The following PCSK6 variants were observed in gnomAD, a reference collection of about 807,000 sequenced individuals.
PCSK6 encodes the protein proprotein convertase subtilisin/kexin type 6.
In PCSK6, 85 loss-of-function variants were observed where a neutral mutation model predicts 123.3. The ratio of observed to expected loss-of-function variants is 0.69; its 90% CI spans 0.58 to 0.83. The LOEUF is 0.83. Among genes scored for constraint, PCSK6 ranks in the 40% least tolerant of loss-of-function variants. PCSK6 has a pLI of 0.00. For missense variants in PCSK6, 1,191 were observed against 1,282.3 expected (o/e 0.93, Z 1.09); for synonymous variants, 508 against 516.0 (o/e 0.98, Z 0.21).
chr15:101,383,820 A>G (rs898868028), intron 10 of PCSK6, among the ~76,000 whole-genome samples: 1 of 152,218 alleles, frequency 6.6e-6, no homozygotes, highest in Non-Finnish European at 1.5e-5. Context: ...ACGTAACTAC[A>G]TATCAAACCT....
chr15:101,347,544 T>A, intron 13 of PCSK6: 1 of 1,383,826 alleles, frequency 7.2e-7, no homozygotes, highest in Non-Finnish European at 9.4e-7. Flanking sequence ...TTAAACAAGG[T>A]TCATGCTTGC....
chr15:101,412,713 A>ATATATATATAT (rs201205244), intron 6 of PCSK6, among the ~76,000 whole-genome samples: 8 of 112,644 alleles, frequency 7.1e-5, no homozygotes, highest in African/African-American at 1.1e-4. Context: ...ATATATATAT[A>ATATATATATAT]AAATTACCCA....
At chr15:101,391,151 A>G (rs538848410) in intron 8 of PCSK6, among the ~76,000 whole-genome samples, 1 of 152,240 alleles carries the variant, frequency 6.6e-6, no homozygotes, top group East Asian at 1.9e-4. Flanking sequence ...GTACCTCAAC[A>G]TGGGGAGGGC....
chr15:101,411,397 G>A (rs765155795), intron 6 of PCSK6, among the ~76,000 whole-genome samples: 1 of 152,058 alleles, frequency 6.6e-6, no homozygotes, highest in Non-Finnish European at 1.5e-5. Flanking sequence ...CTGGGAGCGG[G>A]GAGTCCGCCT....
At chr15:101,332,421 C>G (rs116901040) in intron 13 of PCSK6, among the ~76,000 whole-genome samples, 1 of 152,166 alleles carries the variant, frequency 6.6e-6, no homozygotes, top group African/African-American at 2.4e-5. Flanking sequence ...TTGGGATATC[C>G]GGTGGGTAAA....
chr15:101,480,172 C>G (rs1567255881), intron 1 of PCSK6, among the ~76,000 whole-genome samples: 1 of 152,164 alleles, frequency 6.6e-6, no homozygotes, highest in African/African-American at 2.4e-5. Context: ...CTGTTTCTGC[C>G]CACTCTCACT....
At chr15:101,429,280 G>GC (rs1485205222) in intron 5 of PCSK6, among the ~76,000 whole-genome samples, 1 of 152,184 alleles carries the variant, frequency 6.6e-6, no homozygotes, top group Non-Finnish European at 1.5e-5. Context: ...CCCCAGGGCT[G>GC]CCGTTTACAC....
At chr15:101,451,331 G>A (rs148852111) in intron 1 of PCSK6, among the ~76,000 whole-genome samples, 20 of 151,798 alleles carry the variant, frequency 1.3e-4, no homozygotes, top group Non-Finnish European at 2.5e-4. Context: ...TCCAATGGAC[G>A]TGACTGCAGA....
At chr15:101,348,405 G>A (rs2040799848) in intron 13 of PCSK6, among the ~76,000 whole-genome samples, 2 of 152,242 alleles carry the variant, frequency 1.3e-5, no homozygotes, top group Non-Finnish European at 2.9e-5. Context: ...TACATGCTTC[G>A]AGGTATGAAG....
At chr15:101,324,787 GA>G in intron 17 of PCSK6, 62 bp downstream of exon 17, 1 of 1,370,866 alleles carries the variant, frequency 7.3e-7, no homozygotes, top group Non-Finnish European at 1.0e-6. Flanking sequence ...CTGGAGAGAG[GA>G]CACGGGCCCA....
At chr15:101,479,453 A>G (rs1458760810) in intron 1 of PCSK6, among the ~76,000 whole-genome samples, 1 of 152,198 alleles carries the variant, frequency 6.6e-6, no homozygotes, top group Non-Finnish European at 1.5e-5. Context: ...CAGGGAAGCC[A>G]GTGAGGCAGT....
chr15:101,434,465 A>G (rs2056538247), intron 2 of PCSK6, among the ~76,000 whole-genome samples: 2 of 152,236 alleles, frequency 1.3e-5, no homozygotes, highest in Admixed American at 1.3e-4. Flanking sequence ...CAGAAGTCAT[A>G]AGAGGGTTCC....
chr15:101,325,477 C>T (rs2040231354), intron 16 of PCSK6, among the ~76,000 whole-genome samples: 1 of 152,186 alleles, frequency 6.6e-6, no homozygotes, highest in Non-Finnish European at 1.5e-5. Context: ...GCCACGAGAG[C>T]CACATGGGCA....
chr15:101,387,324 C>T (rs1051139440), intron 9 of PCSK6, among the ~76,000 whole-genome samples: 3 of 152,144 alleles, frequency 2.0e-5, no homozygotes, highest in Non-Finnish European at 4.4e-5. Context: ...CATGGCCACA[C>T]CCCATGCTGC....
rs80043252 is a variant in PCSK6 at position 101,435,032 on chromosome 15, G to A, written c.403-2932C>T. Among the ~76,000 whole-genome samples, 17 of 152,248 alleles carry A rather than the reference G, an allele frequency of 1.1e-4. No individual in the cohort carries two copies. In the East Asian group the frequency reaches 3.3e-3, roughly 29 times the overall value. On this transcript the variant is annotated intron_variant, in intron 2 of 21. Transcript: ENST00000611716. ...TCCTGTGTGTCTGGCGCTAGGTTCTGGGAAGATCAGCATGAACATACCTGG... is the reference window on the plus strand; with the variant it reads ...TCCTGTGTGTCTGGCGCTAGGTTCTAGGAAGATCAGCATGAACATACCTGG...
chr15:101,397,059 G>C (rs535785733), intron 7 of PCSK6, among the ~76,000 whole-genome samples: 2 of 152,270 alleles, frequency 1.3e-5, no homozygotes, highest in South Asian at 4.2e-4. Flanking sequence ...GGCAGGTGCA[G>C]CTGGCAGGAG....
intron 13 of PCSK6, among the ~76,000 whole-genome samples, chr15:101,344,794 A>G (rs1337732251): frequency 1.3e-5 from 2 of 152,028 alleles, no homozygotes; most frequent in African/African-American, 4.8e-5. Flanking sequence ...TGGGACTACT[A>G]TTAGGCACAC....
chr15:101,386,924 C>A (rs1322755912), intron 9 of PCSK6, among the ~76,000 whole-genome samples: 1 of 152,206 alleles, frequency 6.6e-6, no homozygotes, highest in Non-Finnish European at 1.5e-5. Context: ...TGTATGGCGG[C>A]TGCTCTGCAC....
At position 101,322,332 on chromosome 15, in the gene PCSK6, TC is replaced by T. The variant is rs201725379; in HGVS notation, c.2465+187del. 3.5e-3 allele frequency among the ~76,000 whole-genome samples: 533 copies of T among 152,268 alleles called. 6 individuals carry two copies. The highest frequency in any genetic ancestry group is 0.012 in the African/African-American group (497 of 41,536). On this transcript the variant is annotated intron_variant, in intron 18 of 21. Transcript: ENST00000611716. ...CCCATGTTGTGTAAAATGTAGAGATTCCGCCCATCCTCTCCCTTTCCATCCT... is the reference window on the plus strand; with the variant it reads ...CCCATGTTGTGTAAAATGTAGAGATTCGCCCATCCTCTCCCTTTCCATCCT...
Sources: gnomAD v4.1 joint callset for allele counts (sites outside exome capture counted in the v4.1 genomes callset) on GRCh38, gnomAD v4.1.1 for gene constraint, MANE v1.5 for transcripts, NCBI Gene and HGNC (gene_info 2026-07-23, HGNC 2026-07-21) for gene names.